CES1: variants seen among roughly 807,000 people sequenced by gnomAD.
CES1 encodes the protein carboxylesterase 1.
A neutral mutation model predicts 53.0 loss-of-function variants in CES1; 50 were observed. The observed-to-expected ratio is 0.94, with a 90% CI of 0.75 to 1.19. The LOEUF (loss-of-function observed/expected upper bound fraction) is 1.19, where lower values mean the gene tolerates loss of function less well. CES1 is among the 50% of genes most tolerant of loss of function. CES1 has a pLI of 0.00. For missense variants in CES1, 534 were observed against 538.0 expected (o/e 0.99, Z 0.07); for synonymous variants, 202 against 210.1 (o/e 0.96, Z 0.33).
At position 55,811,465 on chromosome 16, in the gene CES1, TG is replaced by T. The variant is rs1179882340; in HGVS notation, c.1087-456del. On this transcript the variant is annotated intron_variant, in intron 9 of 13. Transcript: ENST00000360526. ...ATCCTGTCTTCGTGGCTTTGGTCTTTGGTATAACCTCTGAAATCCTTCTGAG... is the reference window on the plus strand; with the variant it reads ...ATCCTGTCTTCGTGGCTTTGGTCTTTGTATAACCTCTGAAATCCTTCTGAG... Among the ~76,000 whole-genome samples the T allele has an allele frequency of 3.9e-5, 6 of 152,276 alleles. No homozygotes were observed. The South Asian group carries it at 1.0e-3, about 26-fold the overall frequency.
Position 55,813,010 on chromosome 16 carries a change from T to G in CES1, c.979A>C (p.Met327Leu), listed in dbSNP as rs756932008. The G allele has an allele frequency of 1.9e-6, 3 of 1,613,926 alleles. No individual in the cohort carries two copies. The highest frequency in any genetic ancestry group is 4.5e-5 in the East Asian group (2 of 44,888). Residue 327 changes from methionine to leucine, a missense_variant, in exon 9 of 14, where the codon ATG (methionine) becomes CTG (leucine). Coordinates refer to ENST00000360526, the MANE Select transcript of CES1 (RefSeq NM_001025195.2). ...TCTTCAGGTGTTTTCAGCAGCAGCA[T>G]CCCATCAATCACAGTGCCCAGAAGG... is the stretch of plus-strand genomic sequence containing the variant. ...QPLLGTVIDG[M>L]LLLKTPEELQ... is the part of the protein sequence containing the mutation.
intron 8 of CES1, 84 bp downstream of exon 8, chr16:55,816,840 G>A (rs111387345): frequency 1.7e-5 from 25 of 1,459,404 alleles, no homozygotes; most frequent in African/African-American, 1.7e-4. Context: ...AATTACCCAA[G>A]AGATGATTCT....
chr16:55,831,846 G>A (rs2032691450), intron 1 of CES1, among the ~76,000 whole-genome samples: 2 of 150,376 alleles, frequency 1.3e-5, no homozygotes, highest in South Asian at 4.2e-4. Flanking sequence ...CCCTGGGCAA[G>A]TACATTTCCC....
intron 3 of CES1, among the ~76,000 whole-genome samples, chr16:55,825,311 T>C (rs1306089408): frequency 2.0e-5 from 3 of 152,208 alleles, no homozygotes; most frequent in African/African-American, 7.2e-5. Flanking sequence ...CTAGGCACCA[T>C]GCCACGGTGC....
rs1198830109 is a variant in CES1 at position 55,819,623 on chromosome 16, G to A, written c.818C>T (p.Ala273Val). 4 of 1,613,810 alleles carry A rather than the reference G, an allele frequency of 2.5e-6. No individual in the cohort carries two copies. Among genetic ancestry groups the A allele is most frequent in the Non-Finnish European group, 3.4e-6 (4 of 1,179,766 alleles). ...AGCAGAGGTGGTGGTTTTGCACCCA[G>A]CAGTGATAGCAATTTGCTGCAAAGA... ...KPLAEQIAIT[A>V]GCKTTTSAVM... The change falls in exon 7 of 14, where the codon GCT becomes GTT. Residue 273 changes from alanine (A) to valine (V), a missense_variant. Ala to Val is a moderately conservative substitution (Grantham distance 64). This residue lies in a region of CES1 where 269 missense variants were observed against 206.6 expected (regional missense o/e 1.30). Coordinates refer to ENST00000360526, the MANE Select transcript of CES1 (RefSeq NM_001025195.2).
intron 2 of CES1, 26 bp downstream of exon 2, chr16:55,828,741 C>A (rs2032514119): frequency 5.0e-6 from 8 of 1,613,964 alleles, no homozygotes; most frequent in South Asian, 1.1e-5. Context: ...AGGTAAACAT[C>A]CCCAAGGACA....
At position 55,810,503 on chromosome 16, in the gene CES1, C is replaced by T; in HGVS notation, c.1318+14G>A. 6.2e-7 allele frequency: 1 copy of T among 1,614,106 alleles called. No individual in the cohort carries two copies. Among genetic ancestry groups the T allele is most frequent in the Non-Finnish European group, 8.5e-7 (1 of 1,180,030 alleles). On this transcript the variant is annotated intron_variant, in intron 11 of 13. Transcript: ENST00000360526. ...TGGGGTTTGTGTCCCTCCCGTTCGA[C>T]CTCTGGGACTCACCTCTGTGGTTCC...
At chr16:55,820,888 C>G (rs1371751268) in intron 5 of CES1, among the ~76,000 whole-genome samples, 1 of 152,150 alleles carries the variant, frequency 6.6e-6, no homozygotes, top group African/African-American at 2.4e-5. Flanking sequence ...ATCAGACCAC[C>G]CCAGAGGAAT....
At chr16:55,816,008 G>C (rs554183136) in intron 8 of CES1, among the ~76,000 whole-genome samples, 3 of 152,234 alleles carry the variant, frequency 2.0e-5, no homozygotes, top group East Asian at 1.9e-4. Context: ...TGCAGTGACT[G>C]TTCCCTCTGC....
At chr16:55,813,857 GAC>G (rs1224309618) in intron 8 of CES1, among the ~76,000 whole-genome samples, 2 of 152,232 alleles carry the variant, frequency 1.3e-5, no homozygotes, top group African/African-American at 4.8e-5. Flanking sequence ...CCGCGAAGAG[GAC>G]ACTTGTAAAC....
chr16:55,813,514 G>T (rs2031797228), intron 8 of CES1, among the ~76,000 whole-genome samples: 1 of 151,978 alleles, frequency 6.6e-6, no homozygotes, highest in Non-Finnish European at 1.5e-5. Context: ...TTTATGTGTG[G>T]GTTTCTGTTG....
chr16:55,821,895 G>A (rs2032215367), intron 4 of CES1, among the ~76,000 whole-genome samples: 1 of 152,156 alleles, frequency 6.6e-6, no homozygotes. Flanking sequence ...ATACAATGGA[G>A]TAAGGAAAAA....
intron 9 of CES1, among the ~76,000 whole-genome samples, chr16:55,811,246 C>T (rs1348638706): frequency 6.6e-6 from 1 of 151,242 alleles, no homozygotes; most frequent in African/African-American, 2.4e-5. Context: ...TTCAGAGAAG[C>T]TGTGGCAGTG....
intron 8 of CES1, among the ~76,000 whole-genome samples, chr16:55,813,628 T>C (rs546625476): frequency 3.8e-3 from 564 of 149,900 alleles, no homozygotes; most frequent in African/African-American, 0.014. Context: ...TTTTTCTGAA[T>C]GTGCTATTAT....
intron 4 of CES1, among the ~76,000 whole-genome samples, chr16:55,822,493 C>T (rs1276204991): frequency 9.2e-5 from 14 of 152,042 alleles, no homozygotes; most frequent in African/African-American, 3.4e-4. Flanking sequence ...TGAGTGGAGG[C>T]GTGGTGGGAG....
chr16:55,824,616 T>G (rs1175292202), intron 3 of CES1, among the ~76,000 whole-genome samples: 2 of 152,232 alleles, frequency 1.3e-5, no homozygotes, highest in African/African-American at 2.4e-5. Flanking sequence ...CCAGGCAGTC[T>G]GCCTCCAGAG....
intron 11 of CES1, among the ~76,000 whole-genome samples, chr16:55,810,112 T>C (rs1479084536): frequency 6.6e-5 from 10 of 152,042 alleles, no homozygotes; most frequent in African/African-American, 1.7e-4. Context: ...TAGAAGCTGG[T>C]GAATAAATAC....
intron 7 of CES1, among the ~76,000 whole-genome samples, chr16:55,818,375 A>G (rs1212287944): frequency 1.3e-5 from 2 of 152,250 alleles, no homozygotes; most frequent in African/African-American, 2.4e-5. Context: ...TGGGTCCTAC[A>G]GTGTTGCCTC....
intron 2 of CES1, among the ~76,000 whole-genome samples, chr16:55,826,629 T>C (rs1165244174): frequency 2.0e-5 from 3 of 152,186 alleles, no homozygotes; most frequent in African/African-American, 7.2e-5. Context: ...GTGATATCTT[T>C]GTGGGACAAC....
Sources: allele counts gnomAD v4.1 joint callset (sites outside exome capture counted in the v4.1 genomes callset), GRCh38; gene constraint gnomAD v4.1.1; regional missense constraint gnomAD v4.1.1; transcripts MANE v1.5; gene names NCBI Gene and HGNC (gene_info 2026-07-23, HGNC 2026-07-21).